PPP2R5E: variants seen among roughly 807,000 people sequenced by gnomAD.
The protein encoded by PPP2R5E is protein phosphatase 2 regulatory subunit B'epsilon.
Under a neutral mutation model 65.3 loss-of-function variants are expected in PPP2R5E, and 4 were observed. The ratio of observed to expected loss-of-function variants is 0.06; its 90% confidence interval spans 0.03 to 0.14. PPP2R5E has a LOEUF of 0.14. Among genes scored for constraint, PPP2R5E ranks in the 10% least tolerant of loss-of-function variants. The pLI is 1.00. For missense variants in PPP2R5E, 274 were observed against 556.1 expected (o/e 0.49, Z 5.10); for synonymous variants, 183 against 187.4 (o/e 0.98, Z 0.19).
chr14:63,510,605 G>A (rs749194819), intron 2 of PPP2R5E, among the ~76,000 whole-genome samples: 6 of 152,210 alleles, frequency 3.9e-5, no homozygotes, highest in Admixed American at 6.5e-5. Context: ...CTGAGTATCC[G>A]GTAGAGAAAA....
chr14:63,419,249 T>C (rs1886873234), intron 4 of PPP2R5E, among the ~76,000 whole-genome samples: 1 of 152,150 alleles, frequency 6.6e-6, no homozygotes. Context: ...CAACCACATC[T>C]CAATGTCATT....
chr14:63,395,477 AGG>A, intron 6 of PPP2R5E, among the ~76,000 whole-genome samples, 192 bp from the exon 7 acceptor site: 1 of 3,856 alleles, frequency 2.6e-4, no homozygotes, highest in Non-Finnish European at 4.8e-4. Flanking sequence ...GGAAGAGAGG[AGG>A]AGGAGAGGAG....
chr14:63,520,871 A>C (rs890690593), intron 2 of PPP2R5E, among the ~76,000 whole-genome samples: 5 of 99,508 alleles, frequency 5.0e-5, no homozygotes, highest in South Asian at 2.4e-4. Context: ...AAAAAAAAAA[A>C]AAAAAAAAAA....
At position 63,501,358 on chromosome 14, in the gene PPP2R5E, C is replaced by T. The variant is rs540229477; in HGVS notation, c.157+38171G>A. ...AGGCGGAGCTTGCAGTGAGCCGATA[C>T]AGTGCCACTGCACTCCAGCCTGGGC... is the stretch of plus-strand genomic sequence containing the variant. On this transcript the variant is annotated intron_variant, in intron 2 of 13. Coordinates refer to ENST00000337537, the MANE Select transcript of PPP2R5E (RefSeq NM_006246.5). 5.4e-3 allele frequency among the ~76,000 whole-genome samples: 804 copies of T among 147,854 alleles called. 1 individual carries two copies. The highest frequency in any genetic ancestry group is 9.1e-3 in the Non-Finnish European group (612 of 67,470).
chr14:63,404,616 T>C (rs940054900), intron 5 of PPP2R5E, among the ~76,000 whole-genome samples: 17 of 152,200 alleles, frequency 1.1e-4, no homozygotes, highest in African/African-American at 4.1e-4. Flanking sequence ...AAGGTTGCGA[T>C]CACAAGCTTC....
intron 5 of PPP2R5E, among the ~76,000 whole-genome samples, chr14:63,414,125 G>A (rs1385998956): frequency 6.6e-6 from 1 of 152,078 alleles, no homozygotes; most frequent in African/African-American, 2.4e-5. Flanking sequence ...CTGCTGTTTT[G>A]AGTGTCAAAA....
chr14:63,532,791 G>A (rs776340093), intron 2 of PPP2R5E, among the ~76,000 whole-genome samples: 3 of 152,172 alleles, frequency 2.0e-5, no homozygotes, highest in African/African-American at 4.8e-5. Context: ...AATGTATCAC[G>A]ACATGGAGTG....
At chr14:63,507,981 G>C (rs1179472751) in intron 2 of PPP2R5E, 1 of 210,322 alleles carries the variant, frequency 4.8e-6, no homozygotes, top group Non-Finnish European at 8.2e-6. Flanking sequence ...TTTTCTTCCG[G>C]AGCCTCAGTT....
Position 63,393,947 on chromosome 14 carries a change from C to A in PPP2R5E, c.741-19G>T, listed in dbSNP as rs1056967698. 5.7e-6 allele frequency: 8 copies of A among 1,396,252 alleles called. No individual in the cohort carries two copies. In the African/African-American group the frequency reaches 1.1e-4, roughly 20 times the overall value. 86.5% of individuals were successfully genotyped at this position (1,396,252 alleles called of 1,614,324 possible). On this transcript the variant is annotated intron_variant, in intron 7 of 13. Coordinates refer to ENST00000337537, the MANE Select transcript of PPP2R5E (RefSeq NM_006246.5). ...GATAATACTAGGGAGAAAAAAGAGA[C>A]ACAAATTAGCAATGTTACCACAAGT...
chr14:63,457,524 TAC>T (rs1889187976), intron 2 of PPP2R5E, among the ~76,000 whole-genome samples: 1 of 152,208 alleles, frequency 6.6e-6, no homozygotes, highest in African/African-American at 2.4e-5. Context: ...AAAAACAAAT[TAC>T]AGTCATTAAG....
chr14:63,407,309 C>T (rs1289242574), intron 5 of PPP2R5E, among the ~76,000 whole-genome samples: 1 of 152,128 alleles, frequency 6.6e-6, no homozygotes, highest in African/African-American at 2.4e-5. Context: ...TTGAAAAAGG[C>T]ACTTGAGGCA....
chr14:63,438,393 C>T (rs1290889937), intron 3 of PPP2R5E, among the ~76,000 whole-genome samples: 1 of 152,222 alleles, frequency 6.6e-6, no homozygotes, highest in East Asian at 1.9e-4. Context: ...AGCAAGATTT[C>T]ACACTTTGTC....
rs117542196 is a variant in PPP2R5E, at chr14:63,396,798, C to T, written c.550-82G>A. ...GAATTCTATTATTTAAAATCCCCTTCTTCCTTCCTCAAAAAATGTGTTGAA... is the reference window on the plus strand; with the variant it reads ...GAATTCTATTATTTAAAATCCCCTTTTTCCTTCCTCAAAAAATGTGTTGAA... On this transcript the variant is annotated intron_variant, in intron 5 of 13. Coordinates refer to ENST00000337537, the MANE Select transcript of PPP2R5E (RefSeq NM_006246.5). 180 of 1,517,640 alleles carry T rather than the reference C, an allele frequency of 1.2e-4. 2 individuals carry two copies. In the East Asian group the frequency reaches 3.8e-3, roughly 32 times the overall value. The allele number at this position is 1,517,640 out of a possible 1,614,324, so 94.0% of individuals were successfully genotyped here.
At chr14:63,437,206 C>T (rs1055931845) in intron 3 of PPP2R5E, among the ~76,000 whole-genome samples, 4 of 152,148 alleles carry the variant, frequency 2.6e-5, no homozygotes, top group Non-Finnish European at 5.9e-5. Context: ...ACCCTCAGTT[C>T]GGGAACTACC....
chr14:63,486,723 G>A (rs923135013), intron 2 of PPP2R5E, among the ~76,000 whole-genome samples: 12 of 151,942 alleles, frequency 7.9e-5, no homozygotes, highest in African/African-American at 2.7e-4. Context: ...GTCCCAGTCT[G>A]TGGCTCAGCT....
chr14:63,426,565 A>G (rs556982199), intron 3 of PPP2R5E, among the ~76,000 whole-genome samples: 1 of 152,296 alleles, frequency 6.6e-6, no homozygotes, highest in East Asian at 1.9e-4. Context: ...GTCCTAAAGC[A>G]TACGTTAAAG....
At chr14:63,390,550 A>T (rs1297534881) in intron 10 of PPP2R5E, among the ~76,000 whole-genome samples, 2 of 152,242 alleles carry the variant, frequency 1.3e-5, no homozygotes, top group Admixed American at 1.3e-4. Flanking sequence ...CAAAATATGA[A>T]AAATAACAAT....
At chr14:63,451,335 T>C (rs1255323050) in intron 3 of PPP2R5E, 1 of 152,212 alleles carries the variant, frequency 6.6e-6, no homozygotes, top group Non-Finnish European at 1.5e-5. Context: ...AGTAGGTGAA[T>C]GGATAAACTA....
chr14:63,406,991 A>C (rs975905733), intron 5 of PPP2R5E, among the ~76,000 whole-genome samples: 4 of 152,244 alleles, frequency 2.6e-5, no homozygotes, highest in African/African-American at 7.2e-5. Flanking sequence ...GAAAGTTCTC[A>C]AAACAAGAAT....
Sources: allele counts gnomAD v4.1 joint callset (sites outside exome capture counted in the v4.1 genomes callset), GRCh38; gene constraint gnomAD v4.1.1; transcripts MANE v1.5; gene names NCBI Gene and HGNC (gene_info 2026-07-23, HGNC 2026-07-21).